RASGRF1: variants seen among roughly 807,000 people sequenced by gnomAD.
The protein encoded by RASGRF1 is Ras protein specific guanine nucleotide releasing factor 1.
A neutral mutation model predicts 138.7 loss-of-function variants in RASGRF1; 40 were observed. The ratio of observed to expected loss-of-function variants is 0.29; its 90% CI spans 0.22 to 0.38. The LOEUF is 0.38. RASGRF1 is among the 10% of genes least tolerant of loss of function. The pLI, the probability that RASGRF1 is intolerant of heterozygous loss-of-function variation, is 1.00. For missense variants in RASGRF1, 1,108 were observed against 1,650.4 expected, an observed-to-expected ratio of 0.67 and a Z score of 5.69; for synonymous variants, 614 against 663.2, an observed-to-expected ratio of 0.93 and a Z score of 1.14.
intron 1 of RASGRF1, 89 bp from the exon 2 acceptor site, chr15:79,064,615 G>T (rs1371725194): frequency 2.5e-6 from 3 of 1,219,726 alleles, no homozygotes; most frequent in Non-Finnish European, 3.6e-6. Flanking sequence ...TTTGCAAAGT[G>T]CCTGCTGCCA....
intron 15 of RASGRF1, 57 bp downstream of exon 15, chr15:79,003,745 C>T: frequency 6.5e-7 from 1 of 1,533,854 alleles, no homozygotes; most frequent in Non-Finnish European, 8.7e-7. Context: ...CTGGGCCAGG[C>T]TGAGCCTCAG....
At chr15:79,024,737 G>A (rs973842228) in intron 10 of RASGRF1, among the ~76,000 whole-genome samples, 1 of 152,062 alleles carries the variant, frequency 6.6e-6, no homozygotes, top group Non-Finnish European at 1.5e-5. Flanking sequence ...TGATTGTGAG[G>A]CCTTCTCAGC....
At chr15:79,081,277 G>T (rs926498948) in intron 1 of RASGRF1, among the ~76,000 whole-genome samples, 6 of 152,252 alleles carry the variant, frequency 3.9e-5, no homozygotes, top group Admixed American at 1.3e-4. Context: ...ACAGGCTTCA[G>T]TGGCTGAGTC....
At position 79,006,206 on chromosome 15, in the gene RASGRF1, A is replaced by C. The variant is rs1567503802; in HGVS notation, c.2055T>G (p.Pro685=). ...GCCACCTGGCAGGAATGGCACTGAT[A>C]GGCTTCTTGTAGATGGTAATGAGCT... ...LDKLITIYKK[P]ISAIPARSLE... The change falls in exon 14 of 27, where the codon CCT becomes CCG. Residue 685 remains proline (P), a synonymous_variant. Transcript: ENST00000558480. This position sits in a 1 kb window ranked among gnomAD's most constrained non-coding sequence, Gnocchi z 4.0. 1 of 1,614,182 alleles carries C rather than the reference A, an allele frequency of 6.2e-7. No homozygotes were observed. Among genetic ancestry groups the C allele is most frequent in the Admixed American group, 1.7e-5 (1 of 60,030 alleles).
intron 1 of RASGRF1, among the ~76,000 whole-genome samples, chr15:79,085,066 C>T (rs2057962387): frequency 6.6e-6 from 1 of 152,194 alleles, no homozygotes; most frequent in Non-Finnish European, 1.5e-5. Flanking sequence ...CTGGTGCTTA[C>T]ATTCCAGTGG....
At chr15:79,075,565 C>T (rs894777420) in intron 1 of RASGRF1, among the ~76,000 whole-genome samples, 3 of 152,226 alleles carry the variant, frequency 2.0e-5, no homozygotes, top group African/African-American at 7.2e-5. Flanking sequence ...TCTTTTGCCT[C>T]CTGCCTCTCC....
intron 3 of RASGRF1, among the ~76,000 whole-genome samples, chr15:79,057,816 C>G (rs1218091405): frequency 6.6e-6 from 1 of 152,198 alleles, no homozygotes; most frequent in Non-Finnish European, 1.5e-5. Flanking sequence ...AACAATGCCG[C>G]CTCCAGAATG....
intron 13 of RASGRF1, among the ~76,000 whole-genome samples, chr15:79,011,592 C>T (rs116177905): frequency 1.2e-4 from 19 of 152,266 alleles, no homozygotes; most frequent in East Asian, 3.9e-4. Context: ...GGTGAACTGA[C>T]GGCTACAGCT....
chr15:79,071,277 C>G lies in RASGRF1; in HGVS notation c.277-6751G>C, dbSNP rs543826560. ...AACTCCACCTCTTGGCTCTTTGAGC[C>G]TGGAAAGGGATCATTTCCTTTCCTC... On this transcript the variant is annotated intron_variant, in intron 1 of 26. Coordinates refer to ENST00000558480, the MANE Select transcript of RASGRF1 (RefSeq NM_001145648.3). Among the ~76,000 whole-genome samples the G allele has an allele frequency of 6.6e-5, 10 of 152,342 alleles. No individual in the cohort carries two copies. The East Asian group carries it at 1.7e-3, about 26-fold the overall frequency.
At chr15:79,012,149 T>C (rs542628891) in intron 13 of RASGRF1, among the ~76,000 whole-genome samples, 4 of 152,312 alleles carry the variant, frequency 2.6e-5, no homozygotes, top group South Asian at 2.1e-4. Flanking sequence ...ATCAAGGTCA[T>C]TGCCTGCATG....
At chr15:78,986,925 T>C (rs2056171090) in intron 22 of RASGRF1, among the ~76,000 whole-genome samples, 1 of 152,202 alleles carries the variant, frequency 6.6e-6, no homozygotes, top group Non-Finnish European at 1.5e-5. Flanking sequence ...GTTAAAATTT[T>C]TTTCCATCAA....
At chr15:79,054,991 C>A (rs1425266393) in intron 3 of RASGRF1, among the ~76,000 whole-genome samples, 8 of 152,052 alleles carry the variant, frequency 5.3e-5, no homozygotes, top group Admixed American at 3.3e-4. Context: ...GAGTGTAGGG[C>A]CATCCAGGCA....
chr15:78,995,374 C>T (rs1250364888), intron 20 of RASGRF1, among the ~76,000 whole-genome samples: 1 of 146,858 alleles, frequency 6.8e-6, no homozygotes, highest in East Asian at 1.9e-4. Flanking sequence ...CTGCCACCTC[C>T]GCCTCCTGGG....
At chr15:79,003,341 T>A (rs1445246089) in intron 15 of RASGRF1, among the ~76,000 whole-genome samples, 1 of 152,214 alleles carries the variant, frequency 6.6e-6, no homozygotes, top group Admixed American at 6.5e-5. Flanking sequence ...AAGCCATTCG[T>A]ATCAGGTGTC....
chr15:79,058,411 T>G lies in RASGRF1; in HGVS notation c.454A>C (p.Thr152Pro). The change falls in exon 3 of 27, where the codon ACA (threonine) becomes CCA (proline). Residue 152 changes from threonine (T) to proline (P), a missense_variant. Coordinates refer to ENST00000558480, the MANE Select transcript of RASGRF1 (RefSeq NM_001145648.3). ...KYLHLLQIVE[T>P]EKTVAKQLRQ... ...AGCTGCTTGGCCACGGTCTTCTCTG[T>G]CTCCACGATCTGCAGCAGGTGCAGG... 6.8e-6 allele frequency: 11 copies of G among 1,614,176 alleles called. No individual in the cohort carries two copies. Among genetic ancestry groups the G allele is most frequent in the Non-Finnish European group, 7.6e-6 (9 of 1,180,032 alleles).
rs2055536849 is a variant in RASGRF1, at chr15:78,961,033, A to G, written c.*1111T>C. 6.6e-6 allele frequency: 1 copy of G among 152,258 alleles called. No individual in the cohort carries two copies. Among genetic ancestry groups the G allele is most frequent in the Non-Finnish European group, 1.5e-5 (1 of 68,040 alleles). 9.4% of individuals were successfully genotyped at this position (152,258 alleles called of 1,614,324 possible). A position where few individuals can be genotyped will look rare whatever the true frequency, so the allele number is the denominator to read the frequency against. On this transcript the variant is annotated 3_prime_UTR_variant, in exon 27 of 27. Transcript: ENST00000558480. ...TTTTAGGACTTGAAATAGAATTCTC[A>G]TACCACTAGGTATTGCTTACAGCAA...
At position 79,079,550 on chromosome 15, in the gene RASGRF1, T is replaced by G. The variant is rs556955066; in HGVS notation, c.276+10673A>C. Among the ~76,000 whole-genome samples the G allele has an allele frequency of 3.4e-4, 51 of 152,150 alleles. No homozygotes were observed. The East Asian group carries it at 5.0e-3, about 15-fold the overall frequency. On this transcript the variant is annotated intron_variant, in intron 1 of 26. Transcript: ENST00000558480. Reference sequence around the variant, plus strand: ...ATCAATGTACTTGCAGAGAATCCTCTCCACAAAATAGTGAGAAAAACATGG... The same window carrying G: ...ATCAATGTACTTGCAGAGAATCCTCGCCACAAAATAGTGAGAAAAACATGG...
Position 78,961,993 on chromosome 15 carries a change from T to C in RASGRF1, c.*151A>G. On this transcript the variant is annotated 3_prime_UTR_variant, in exon 27 of 27. Coordinates refer to ENST00000558480, the MANE Select transcript of RASGRF1 (RefSeq NM_001145648.3). The stretch of plus-strand genomic sequence containing the variant: ...GTCTGAAACGGTGCAGAAATTCATA[T>C]TCCGGTTCTACAGGAATCTAAGAAC... 1 of 610,364 alleles carries C rather than the reference T, an allele frequency of 1.6e-6. No individual in the cohort carries two copies. Among genetic ancestry groups the C allele is most frequent in the South Asian group, 2.0e-5 (1 of 49,460 alleles). 37.8% of individuals were successfully genotyped at this position (610,364 alleles called of 1,614,324 possible). A position where few individuals can be genotyped will look rare whatever the true frequency, so the allele number is the denominator to read the frequency against.
chr15:78,980,711 C>G lies in RASGRF1; in HGVS notation c.3415-12G>C, dbSNP rs1275645986. ...ATCAAAGCTTTAGTCTAGAAGGAAG[C>G]AGAAGCATTTACTAACACACAGCAC... On this transcript the variant is annotated splice_polypyrimidine_tract_variant and intron_variant, in intron 23 of 26. Coordinates refer to ENST00000558480, the MANE Select transcript of RASGRF1 (RefSeq NM_001145648.3). 1 of 1,582,404 alleles carries G rather than the reference C, an allele frequency of 6.3e-7. No individual in the cohort carries two copies. Among genetic ancestry groups the G allele is most frequent in the Middle Eastern group, 1.7e-4 (1 of 5,990 alleles).
Sources: allele counts gnomAD v4.1 joint callset (sites outside exome capture counted in the v4.1 genomes callset), GRCh38; gene constraint gnomAD v4.1.1; non-coding constraint Gnocchi (gnomAD v3.1); transcripts MANE v1.5; gene names NCBI Gene and HGNC (gene_info 2026-07-23, HGNC 2026-07-21).